Variants in ACTR3C observed in about 807,000 individuals in gnomAD.
The protein encoded by ACTR3C is actin-related protein 3C.
In ACTR3C, 18 loss-of-function variants were observed where a neutral mutation model predicts 26.3. That is an observed-to-expected ratio of 0.68 (90% CI 0.47 to 1.01). The LOEUF (loss-of-function observed/expected upper bound fraction) is 1.01. ACTR3C is among the 50% of genes least tolerant of loss of function. The pLI, the probability that ACTR3C is intolerant of heterozygous loss-of-function variation, is 0.00. For missense variants in ACTR3C, 184 were observed against 250.7 expected (o/e 0.73, Z 1.80); for synonymous variants, 55 against 94.5 (o/e 0.58, Z 2.42).
the ACTR3C span, among the ~76,000 whole-genome samples, chr7:150,166,028 G>T: frequency 6.6e-6 from 1 of 151,648 alleles, no homozygotes; most frequent in East Asian, 1.9e-4. Context: ...TTTATAATTA[G>T]AAACTAGAAC....
chr7:149,996,139 T>G, the ACTR3C span, among the ~76,000 whole-genome samples: 1 of 152,164 alleles, frequency 6.6e-6, no homozygotes, highest in Non-Finnish European at 1.5e-5. Context: ...CTAGGGGACG[T>G]GGGGAGCATC....
chr7:150,037,900 G>C, the ACTR3C span, among the ~76,000 whole-genome samples: 33,835 of 118,468 alleles, frequency 0.29, 7,931 homozygotes, highest in East Asian at 0.49. Context: ...AGAGGGGCTC[G>C]CTCTCAGTCC....
chr7:150,237,178 A>G, the ACTR3C span, among the ~76,000 whole-genome samples: 22,822 of 152,064 alleles, frequency 0.15, 3,362 homozygotes, highest in African/African-American at 0.38. Flanking sequence ...GAGAGGGACC[A>G]TATGGACCTC....
the ACTR3C span, among the ~76,000 whole-genome samples, chr7:150,007,376 T>C: frequency 1.3e-5 from 2 of 152,150 alleles, no homozygotes; most frequent in African/African-American, 4.8e-5. Context: ...TAATAAAACA[T>C]ATGGTCTTGA....
chr7:150,036,072 GAGGGGT>G, the ACTR3C span, among the ~76,000 whole-genome samples: 2 of 74,116 alleles, frequency 2.7e-5, no homozygotes, highest in South Asian at 7.2e-4. Context: ...CCCGCGTCGC[GAGGGGT>G]GCTCCCCCCC....
chr7:149,985,258 A>ACACACACACAC, the ACTR3C span, among the ~76,000 whole-genome samples: 1 of 149,404 alleles, frequency 6.7e-6, no homozygotes, highest in Non-Finnish European at 1.5e-5. Flanking sequence ...ACACACACGA[A>ACACACACACAC]ACCCTGCCTG....
chr7:149,956,283 G>A, the ACTR3C span, among the ~76,000 whole-genome samples: 1 of 152,166 alleles, frequency 6.6e-6, no homozygotes, highest in Non-Finnish European at 1.5e-5. Flanking sequence ...CTGGCTGGGT[G>A]CAGTGTTTCA....
chr7:150,111,430 C>G, the ACTR3C span, among the ~76,000 whole-genome samples: 2 of 98,534 alleles, frequency 2.0e-5, 1 homozygote, highest in Non-Finnish European at 4.1e-5. Flanking sequence ...CACACAATCA[C>G]ACAACTCTCA....
At chr7:150,300,814 C>T (rs1303832610) in intron 1 of ACTR3C, among the ~76,000 whole-genome samples, 1 of 151,428 alleles carries the variant, frequency 6.6e-6, no homozygotes, top group Middle Eastern at 3.2e-3. Flanking sequence ...TTTCAATGCG[C>T]CTACTCGGGC....
Position 150,323,540 on chromosome 7 carries a change from G to T in ACTR3C, c.-123C>A, listed in dbSNP as rs977557643. 3 of 437,226 alleles carry T rather than the reference G, an allele frequency of 6.9e-6. No individual in the cohort carries two copies. Among genetic ancestry groups the T allele is most frequent in the Admixed American group, 5.0e-5 (2 of 39,936 alleles). The allele number at this position is 437,226 out of a possible 1,614,324, so 27.1% of individuals were successfully genotyped here. On this transcript the variant is annotated 5_prime_UTR_variant, in exon 1 of 8. Transcript: ENST00000683684. ...CCCAGCTTGGCCAGTGGCTCCGCAG[G>T]CTGCCGGCTCCACCCCTCAGGTAAG... is the stretch of plus-strand genomic sequence containing the variant.
At chr7:150,248,286 C>G (rs897604288) in intron 7 of ACTR3C, 1 of 152,114 alleles carries the variant, frequency 6.6e-6, no homozygotes, top group African/African-American at 2.4e-5. Flanking sequence ...CCTTCCCTCC[C>G]GTACTGGCCC....
At chr7:150,009,865 C>T in the ACTR3C span, among the ~76,000 whole-genome samples, 4 of 152,240 alleles carry the variant, frequency 2.6e-5, no homozygotes, top group African/African-American at 9.7e-5. Flanking sequence ...CTCCCAGCTA[C>T]GCTTGCTCTC....
the ACTR3C span, among the ~76,000 whole-genome samples, chr7:149,919,481 C>T: frequency 6.6e-6 from 1 of 152,134 alleles, no homozygotes; most frequent in Non-Finnish European, 1.5e-5. Context: ...CTCAAGTGAT[C>T]CACCCACCTC....
chr7:150,019,211 A>G, the ACTR3C span, among the ~76,000 whole-genome samples: 1 of 150,414 alleles, frequency 6.6e-6, no homozygotes, highest in Non-Finnish European at 1.5e-5. Flanking sequence ...TGAAGGAAGG[A>G]AGTAGACACT....
chr7:150,108,596 C>T, the ACTR3C span, among the ~76,000 whole-genome samples: 1 of 148,484 alleles, frequency 6.7e-6, no homozygotes, highest in Admixed American at 6.7e-5. Context: ...GTGTTCAAAT[C>T]ATGAGGCTCC....
chr7:150,227,702 T>G, the ACTR3C span, among the ~76,000 whole-genome samples: 5 of 118,554 alleles, frequency 4.2e-5, 1 homozygote, highest in African/African-American at 8.4e-5. Flanking sequence ...TTTTTTTTTG[T>G]TTTTTTTTTT....
chr7:150,216,124 G>T, the ACTR3C span, among the ~76,000 whole-genome samples: 1 of 151,400 alleles, frequency 6.6e-6, no homozygotes, highest in African/African-American at 2.4e-5. Flanking sequence ...TGAAAGCAGA[G>T]AAAAGAGAAA....
chr7:150,065,661 C>G, the ACTR3C span, among the ~76,000 whole-genome samples: 3 of 151,638 alleles, frequency 2.0e-5, no homozygotes, highest in South Asian at 2.1e-4. Flanking sequence ...GGAGAATGCT[C>G]TATCAGGATA....
the ACTR3C span, among the ~76,000 whole-genome samples, chr7:150,216,406 C>T: frequency 2.0e-5 from 3 of 151,536 alleles, no homozygotes; most frequent in African/African-American, 7.3e-5. Flanking sequence ...TTACTTTCTA[C>T]TTGTGTGATT....
Sources: allele counts gnomAD v4.1 joint callset (sites outside exome capture counted in the v4.1 genomes callset), GRCh38; gene constraint gnomAD v4.1.1; transcripts MANE v1.5; gene names NCBI Gene and HGNC (gene_info 2026-07-23, HGNC 2026-07-21).